Variants in BARX2 observed in about 807,000 individuals in gnomAD.
BARX2 encodes homeobox protein BarH-like 2.
A neutral mutation model predicts 25.5 loss-of-function variants in BARX2; 11 were observed. The ratio of observed to expected loss-of-function variants is 0.43; its 90% CI spans 0.27 to 0.71. The LOEUF (loss-of-function observed/expected upper bound fraction) is 0.71. BARX2 is among the 30% of genes least tolerant of loss of function. The probability of loss-of-function intolerance (pLI) is 0.19; values close to 1 mark genes in which losing one functional copy is unlikely to be tolerated. For synonymous variants in BARX2, 137 were observed against 149.5 expected, an observed-to-expected ratio of 0.92 and a Z score of 0.61; for missense variants, 360 against 359.9, an observed-to-expected ratio of 1.00 and a Z score of 0.00.
intron 1 of BARX2, among the ~76,000 whole-genome samples, chr11:129,397,774 C>T (rs1324466220): frequency 6.6e-6 from 1 of 152,178 alleles, no homozygotes; most frequent in African/African-American, 2.4e-5. Context: ...GGACACCTAA[C>T]TGAGACTGAG....
intron 1 of BARX2, among the ~76,000 whole-genome samples, chr11:129,402,228 G>C (rs953063249): frequency 6.6e-6 from 1 of 151,988 alleles, no homozygotes; most frequent in Non-Finnish European, 1.5e-5. Flanking sequence ...TGCAGCTTTG[G>C]GGGCACAGAC....
chr11:129,426,724 C>T (rs1415837092), intron 1 of BARX2, among the ~76,000 whole-genome samples: 1 of 152,098 alleles, frequency 6.6e-6, no homozygotes, highest in Non-Finnish European at 1.5e-5. Context: ...GTCTTGTGAC[C>T]CCCAACTCCA....
At chr11:129,417,469 A>G (rs1297863715) in intron 1 of BARX2, among the ~76,000 whole-genome samples, 2 of 152,182 alleles carry the variant, frequency 1.3e-5, no homozygotes, top group African/African-American at 4.8e-5. Flanking sequence ...TTGGGTCACT[A>G]GAAGAGAGCT....
At position 129,437,089 on chromosome 11, in the gene BARX2, C is replaced by T. The variant is rs752372118; in HGVS notation, c.488+38C>T. 26 of 1,496,270 alleles carry T rather than the reference C, an allele frequency of 1.7e-5. No individual in the cohort carries two copies. The South Asian group carries it at 3.3e-4, about 19-fold the overall frequency. The allele number at this position is 1,496,270 out of a possible 1,614,324, so 92.7% of individuals were successfully genotyped here. On this transcript the variant is annotated intron_variant, in intron 2 of 3. Transcript: ENST00000281437. ...GGAAGGGACTCTCCGCAGTGAAGGC[C>T]CCTGGGAACGGGAGACTTGCTCCCA... is the stretch of plus-strand genomic sequence containing the variant.
chr11:129,423,274 G>A (rs1178045898), intron 1 of BARX2, among the ~76,000 whole-genome samples: 8 of 151,572 alleles, frequency 5.3e-5, no homozygotes, highest in Middle Eastern at 3.4e-3. Context: ...CTGCCACCAC[G>A]CCCGGCTAAT....
At chr11:129,402,207 C>T (rs1354801904) in intron 1 of BARX2, among the ~76,000 whole-genome samples, 2 of 151,892 alleles carry the variant, frequency 1.3e-5, no homozygotes, top group Non-Finnish European at 2.9e-5. Flanking sequence ...CGCTGTATAC[C>T]AGCAGAAGCC....
chr11:129,451,168 ACCCAAAGGT>A lies in BARX2; in HGVS notation c.608_616del (p.Pro203_Gly205del), dbSNP rs1862394200. 1 of 1,614,104 alleles carries A rather than the reference ACCCAAAGGT, an allele frequency of 6.2e-7. No individual in the cohort carries two copies. The highest frequency in any genetic ancestry group is 8.5e-7 in the Non-Finnish European group (1 of 1,180,024). On this transcript the variant is annotated inframe_deletion, in exon 4 of 4. Transcript: ENST00000281437. Reference sequence around the variant, plus strand: ...AAGGTGGACAGGAAGCACCCACAAAACCCAAAGGTCGCCCCAAGAAGAACTCCATCCCCA... The same window carrying A: ...AAGGTGGACAGGAAGCACCCACAAAACGCCCCAAGAAGAACTCCATCCCCA...
chr11:129,388,855 G>A (rs1861640713), intron 1 of BARX2, among the ~76,000 whole-genome samples: 1 of 152,136 alleles, frequency 6.6e-6, no homozygotes, highest in South Asian at 2.1e-4. Flanking sequence ...TCCTACTGTT[G>A]GGGTTTTGAG....
Position 129,436,599 on chromosome 11 carries a change from G to C in BARX2, c.188-152G>C, listed in dbSNP as rs77950003. Reference sequence around the variant, plus strand: ...TGCCTGCCCTGCAGCTGTAGGTCTTGAGTTACCTCTCCTTCCCCTTCCTCC... The same window carrying C: ...TGCCTGCCCTGCAGCTGTAGGTCTTCAGTTACCTCTCCTTCCCCTTCCTCC... On this transcript the variant is annotated intron_variant, in intron 1 of 3. Coordinates refer to ENST00000281437, the MANE Select transcript of BARX2 (RefSeq NM_003658.5). The surrounding 1 kb of genome is among the most constrained non-coding windows in gnomAD (Gnocchi z 4.5). 2.2e-3 allele frequency: 1,863 copies of C among 833,534 alleles called. 23 individuals are homozygous for C. The African/African-American group carries it at 0.029, about 13-fold the overall frequency. 51.6% of individuals were successfully genotyped at this position (833,534 alleles called of 1,614,324 possible). A position where few individuals can be genotyped will look rare whatever the true frequency, so the allele number is the denominator to read the frequency against.
Position 129,401,627 on chromosome 11 carries a change from C to T in BARX2, c.187+25405C>T, listed in dbSNP as rs942953535. ...TCCATTTGGCCAAAGTTGTCCATAG[C>T]ACCTTGTAGGTAGAGACTTGTGATA... On this transcript the variant is annotated intron_variant, in intron 1 of 3. Transcript: ENST00000281437. Among the ~76,000 whole-genome samples the T allele has an allele frequency of 2.6e-5, 4 of 152,116 alleles. 1 individual carries two copies. In the East Asian group the frequency reaches 7.7e-4, roughly 29 times the overall value.
chr11:129,421,993 C>T (rs1237631865), intron 1 of BARX2, among the ~76,000 whole-genome samples: 2 of 152,146 alleles, frequency 1.3e-5, no homozygotes, highest in East Asian at 3.8e-4. Flanking sequence ...AGTTAAATGC[C>T]ACTCTTTCAT....
At chr11:129,437,293 A>C in intron 2 of BARX2, 1 of 565,878 alleles carries the variant, frequency 1.8e-6, no homozygotes, top group Non-Finnish European at 2.6e-6. Flanking sequence ...TCCATATTTG[A>C]ACTTAACTAT....
At position 129,417,063 on chromosome 11, in the gene BARX2, G is replaced by A. The variant is rs550249295; in HGVS notation, c.188-19688G>A. On this transcript the variant is annotated intron_variant, in intron 1 of 3. Coordinates refer to ENST00000281437, the MANE Select transcript of BARX2 (RefSeq NM_003658.5). ...ACTGCAGGCTCCCGCCACCACGCCC[G>A]GCTAATTTTTTATATTTTTAGTAGA... Among the ~76,000 whole-genome samples the A allele has an allele frequency of 5.4e-4, 82 of 151,808 alleles. 1 individual carries two copies. The highest frequency in any genetic ancestry group is 1.6e-3 in the African/African-American group (66 of 41,370).
chr11:129,451,067 T>C, intron 3 of BARX2, 69 bp from the exon 4 acceptor site: 1 of 1,561,030 alleles, frequency 6.4e-7, no homozygotes, highest in Non-Finnish European at 8.7e-7. Context: ...CGTGAGGTTA[T>C]ACTGGGAGTG....
intron 1 of BARX2, among the ~76,000 whole-genome samples, chr11:129,397,091 C>A (rs376411147): frequency 5.3e-5 from 8 of 152,132 alleles, no homozygotes; most frequent in African/African-American, 1.4e-4. Context: ...TCAAGACCAC[C>A]CTGGGCAACA....
Position 129,395,982 on chromosome 11 carries a change from T to G in BARX2, c.187+19760T>G, listed in dbSNP as rs1008481448. ...AGAATCTTAGATGTTTCTGTCTGTT[T>G]CTACAGCAGAAAGCCAGGAAACACA... On this transcript the variant is annotated intron_variant, in intron 1 of 3. Transcript: ENST00000281437. Among the ~76,000 whole-genome samples, 8 of 152,288 alleles carry G rather than the reference T, an allele frequency of 5.3e-5. No homozygotes were observed. In the East Asian group the frequency reaches 1.4e-3, roughly 26 times the overall value.
At position 129,451,629 on chromosome 11, in the gene BARX2, T is replaced by C; in HGVS notation, c.*227T>C. On this transcript the variant is annotated 3_prime_UTR_variant, in exon 4 of 4. Transcript: ENST00000281437. The stretch of plus-strand genomic sequence containing the variant: ...CCTGAAAGGCTGCTTTAGCTGTGGA[T>C]GCCCTTGATTAAGGGAGAGAGCGCC... 6.9e-6 allele frequency: 4 copies of C among 578,230 alleles called. No homozygotes were observed. Among genetic ancestry groups the C allele is most frequent in the Non-Finnish European group, 1.2e-5 (4 of 334,622 alleles). 35.8% of individuals were successfully genotyped at this position (578,230 alleles called of 1,614,324 possible). A position where few individuals can be genotyped will look rare whatever the true frequency, so the allele number is the denominator to read the frequency against.
intron 1 of BARX2, among the ~76,000 whole-genome samples, chr11:129,431,682 CATTTGTCAGGTGTGAG>C (rs1309698011): frequency 6.6e-6 from 1 of 152,142 alleles, no homozygotes; most frequent in African/African-American, 2.4e-5. Flanking sequence ...GGGTAAAAAT[CATTTGTCAGGTGTGAG>C]ATTTGTCAGG....
At chr11:129,407,419 C>T (rs7105133) in intron 1 of BARX2, among the ~76,000 whole-genome samples, 38,568 of 152,070 alleles carry the variant, frequency 0.25, 5,811 homozygotes, top group East Asian at 0.54. Flanking sequence ...CCCATCCCTG[C>T]TCTCAATACC....
Sources: allele counts gnomAD v4.1 joint callset (sites outside exome capture counted in the v4.1 genomes callset), GRCh38; gene constraint gnomAD v4.1.1; non-coding constraint Gnocchi (gnomAD v3.1); transcripts MANE v1.5; gene names NCBI Gene and HGNC (gene_info 2026-07-23, HGNC 2026-07-21).